ATE1: variants seen among roughly 807,000 people sequenced by gnomAD.
ATE1 encodes arginyl-tRNA--protein transferase 1.
Under a neutral mutation model 70.5 loss-of-function variants are expected in ATE1, and 36 were observed. The ratio of observed to expected loss-of-function variants is 0.51; its 90% CI spans 0.39 to 0.67. The LOEUF (loss-of-function observed/expected upper bound fraction) is 0.67, where lower values mean the gene tolerates loss of function less well. ATE1 is among the 30% of genes least tolerant of loss of function. The pLI is 0.00. For missense variants in ATE1, 593 were observed against 629.5 expected (o/e 0.94, Z 0.62); for synonymous variants, 232 against 219.3 (o/e 1.06, Z -0.51).
At chr10:121,928,079 G>A (rs1250177966), upstream of ATE1, 24 of 1,206,090 alleles carry the variant, frequency 2.0e-5, no homozygotes, top group Non-Finnish European at 2.5e-5. Flanking sequence ...GGCGCCCGCA[G>A]GCCCGGCCGG....
chr10:121,804,325 T>C (rs747530459), intron 10 of ATE1, among the ~76,000 whole-genome samples: 2 of 152,318 alleles, frequency 1.3e-5, no homozygotes, highest in African/African-American at 2.4e-5. Flanking sequence ...TCTTCTACAA[T>C]GGCACCTATC....
intron 11 of ATE1, among the ~76,000 whole-genome samples, chr10:121,745,358 C>G (rs1317989649): frequency 1.3e-5 from 2 of 152,068 alleles, no homozygotes; most frequent in Non-Finnish European, 2.9e-5. Context: ...CCCGGAGATC[C>G]TAATACAAAA....
intron 3 of ATE1, among the ~76,000 whole-genome samples, chr10:121,921,187 G>A (rs1951868840): frequency 6.6e-6 from 1 of 151,856 alleles, no homozygotes; most frequent in Non-Finnish European, 1.5e-5. Context: ...GGTACTGATC[G>A]TCATACCAAG....
rs771030920 is a variant in ATE1, at chr10:121,841,250, G to T, written c.989C>A (p.Pro330His). 1.1e-5 allele frequency: 17 copies of T among 1,513,128 alleles called. No homozygotes were observed. The highest frequency in any genetic ancestry group is 1.2e-5 in the Non-Finnish European group (13 of 1,122,922). The allele number at this position is 1,513,128 out of a possible 1,614,324, so 93.7% of individuals were successfully genotyped here. A position where few individuals can be genotyped will look rare whatever the true frequency, so the allele number is the denominator to read the frequency against. ...GCCATAGCCACAATCTGGCCCATTA[G>T]GGGGAGTCTCTGCCTAAGAAAAAGC... ...CSSPLEAETP[P>H]NGPDCGYGSF... The change falls in exon 9 of 12, where the codon CCT (proline) becomes CAT (histidine). Residue 330 changes from proline (P) to histidine (H), a missense_variant. By Grantham distance (77) the Pro-to-His change is moderately conservative (BLOSUM62 -2). Transcript: ENST00000224652.
intron 11 of ATE1, among the ~76,000 whole-genome samples, chr10:121,764,122 T>C (rs1218487638): frequency 2.0e-5 from 3 of 151,918 alleles, no homozygotes; most frequent in Non-Finnish European, 4.4e-5. Context: ...CAATGTGAGA[T>C]GTTAATGATG....
At chr10:121,782,163 T>C (rs540520579) in intron 11 of ATE1, among the ~76,000 whole-genome samples, 3 of 152,356 alleles carry the variant, frequency 2.0e-5, no homozygotes, top group South Asian at 2.1e-4. Context: ...ATTATGTCTG[T>C]CTGCGAGTCA....
At chr10:121,850,752 A>G (rs1335850470) in intron 8 of ATE1, among the ~76,000 whole-genome samples, 1 of 152,130 alleles carries the variant, frequency 6.6e-6, no homozygotes, top group Non-Finnish European at 1.5e-5. Context: ...TCCACTGTAC[A>G]CTTTTCTGGC....
chr10:121,902,990 C>T (rs963579070), intron 5 of ATE1, among the ~76,000 whole-genome samples: 3 of 147,282 alleles, frequency 2.0e-5, no homozygotes, highest in South Asian at 2.2e-4. Context: ...CTCAACCTCC[C>T]GAGTAGCTGG....
At chr10:121,925,277 G>A (rs1050165447) in intron 1 of ATE1, among the ~76,000 whole-genome samples, 19 of 151,942 alleles carry the variant, frequency 1.3e-4, no homozygotes, top group African/African-American at 3.9e-4. Flanking sequence ...AAAATTAGCC[G>A]GGAATGGTGG....
chr10:121,872,427 G>C (rs1949892919), intron 7 of ATE1, among the ~76,000 whole-genome samples: 1 of 151,980 alleles, frequency 6.6e-6, no homozygotes, highest in Admixed American at 6.6e-5. Flanking sequence ...CAAATCACAA[G>C]ACACACATTG....
chr10:121,789,006 GAGAGGGATCAC>G (rs1946323421), intron 11 of ATE1, among the ~76,000 whole-genome samples: 1 of 152,200 alleles, frequency 6.6e-6, no homozygotes, highest in South Asian at 2.1e-4. Flanking sequence ...CGATTTTGCA[GAGAGGGATCAC>G]AGTAAATAAA....
At chr10:121,910,000 C>T (rs1275571658) in intron 5 of ATE1, among the ~76,000 whole-genome samples, 2 of 152,270 alleles carry the variant, frequency 1.3e-5, no homozygotes, top group African/African-American at 4.8e-5. Context: ...GCTATGATCA[C>T]GCCACTTCAC....
At chr10:121,846,258 A>G (rs567308506) in intron 8 of ATE1, among the ~76,000 whole-genome samples, 1 of 152,328 alleles carries the variant, frequency 6.6e-6, no homozygotes, top group East Asian at 1.9e-4. Flanking sequence ...AACAGTACTG[A>G]CTTTATAATC....
chr10:121,768,774 T>A (rs555689523), intron 11 of ATE1, among the ~76,000 whole-genome samples: 147 of 152,286 alleles, frequency 9.7e-4, no homozygotes, highest in Non-Finnish European at 1.7e-3. Context: ...AAGACCACCA[T>A]GGTCTGTATG....
At chr10:121,860,521 C>G (rs923044054) in intron 8 of ATE1, among the ~76,000 whole-genome samples, 1 of 152,046 alleles carries the variant, frequency 6.6e-6, no homozygotes, top group African/African-American at 2.4e-5. Context: ...AAAGGTTTAC[C>G]CCAACATTCA....
At chr10:121,908,794 G>A (rs1418759020) in intron 5 of ATE1, among the ~76,000 whole-genome samples, 3 of 151,876 alleles carry the variant, frequency 2.0e-5, no homozygotes, top group Non-Finnish European at 4.4e-5. Context: ...CCTGCCCCAC[G>A]GCAAAAAAAT....
chr10:121,884,585 A>T (rs780357407), intron 7 of ATE1, among the ~76,000 whole-genome samples: 1 of 152,156 alleles, frequency 6.6e-6, no homozygotes. Flanking sequence ...GCAAGAGCCT[A>T]TGTCAAACAA....
At chr10:121,865,627 A>G (rs527417103) in intron 8 of ATE1, among the ~76,000 whole-genome samples, 3 of 152,342 alleles carry the variant, frequency 2.0e-5, no homozygotes, top group Admixed American at 2.0e-4. Context: ...AGGGGAGTAC[A>G]TATCAGCAGC....
At chr10:121,765,331 A>T (rs1444072391) in intron 11 of ATE1, among the ~76,000 whole-genome samples, 1 of 152,238 alleles carries the variant, frequency 6.6e-6, no homozygotes, top group Non-Finnish European at 1.5e-5. Flanking sequence ...CCAGACTCTC[A>T]GACTCTCAAA....
Sources: allele counts gnomAD v4.1 joint callset (sites outside exome capture counted in the v4.1 genomes callset), GRCh38; gene constraint gnomAD v4.1.1; transcripts MANE v1.5; gene names NCBI Gene and HGNC (gene_info 2026-07-23, HGNC 2026-07-21).